The following DLGAP1 variants were observed in gnomAD, a reference collection of about 807,000 sequenced individuals.
DLGAP1 encodes disks large-associated protein 1.
In DLGAP1, 11 loss-of-function variants were observed where a neutral mutation model predicts 90.8. That is an observed-to-expected ratio of 0.12 (90% CI 0.08 to 0.20). DLGAP1 has a LOEUF of 0.20. Ranked by LOEUF, DLGAP1 falls within the 10% of genes least tolerant of loss-of-function variation. The probability of loss-of-function intolerance (pLI) is 1.00; values close to 1 mark genes in which losing one functional copy is unlikely to be tolerated. For missense variants in DLGAP1, 1,050 were observed against 1,333.8 expected (o/e 0.79, Z 3.31); for synonymous variants, 558 against 540.7 (o/e 1.03, Z -0.44).
At chr18:4,402,147 C>T (rs1598360767) in intron 1 of DLGAP1, among the ~76,000 whole-genome samples, 3 of 152,240 alleles carry the variant, frequency 2.0e-5, no homozygotes, top group African/African-American at 2.4e-5. Context: ...TCCCTTTTGG[C>T]GATAACTGAA....
At chr18:3,885,842 A>G (rs1375966005) in intron 3 of DLGAP1, among the ~76,000 whole-genome samples, 2 of 152,186 alleles carry the variant, frequency 1.3e-5, no homozygotes, top group East Asian at 1.9e-4. Flanking sequence ...CAGAGTTCCA[A>G]CACCTGGAGC....
intron 2 of DLGAP1, among the ~76,000 whole-genome samples, chr18:4,019,540 T>C (rs1307808390): frequency 1.3e-5 from 2 of 152,172 alleles, no homozygotes; most frequent in Admixed American, 1.3e-4. Flanking sequence ...CTCTTCAATG[T>C]CTTTGGGGAA....
intron 12 of DLGAP1, chr18:3,502,238 T>G (rs923914827): frequency 7.4e-7 from 1 of 1,351,670 alleles, no homozygotes; most frequent in African/African-American, 1.5e-5. Context: ...TAACTTAAAG[T>G]TTAATTAACA....
chr18:3,543,210 A>G (rs553874006), intron 9 of DLGAP1, among the ~76,000 whole-genome samples: 10 of 133,310 alleles, frequency 7.5e-5, no homozygotes, highest in African/African-American at 3.2e-4. Flanking sequence ...TCGCTTTGTC[A>G]CCCAGGCTGG....
intron 10 of DLGAP1, among the ~76,000 whole-genome samples, chr18:3,520,569 A>G (rs1222074249): frequency 6.6e-6 from 1 of 152,064 alleles, no homozygotes; most frequent in Non-Finnish European, 1.5e-5. Context: ...TCCTTATAAG[A>G]ACTGGAGATG....
chr18:3,952,971 G>A (rs1475941505), intron 3 of DLGAP1, among the ~76,000 whole-genome samples: 1 of 152,108 alleles, frequency 6.6e-6, no homozygotes, highest in Non-Finnish European at 1.5e-5. Context: ...TCCTACCAGG[G>A]CTAGACTCTG....
intron 3 of DLGAP1, among the ~76,000 whole-genome samples, chr18:3,921,551 C>T (rs892311385): frequency 5.3e-5 from 8 of 152,066 alleles, no homozygotes; most frequent in African/African-American, 1.9e-4. Context: ...ATAAAAAATG[C>T]AGGAGGTTAA....
chr18:4,341,576 TAA>T (rs2081188716), intron 1 of DLGAP1, among the ~76,000 whole-genome samples: 1 of 152,166 alleles, frequency 6.6e-6, no homozygotes. Context: ...TGGGGTACAC[TAA>T]GAGTATACTC....
At chr18:3,948,449 C>G (rs1470744587) in intron 3 of DLGAP1, among the ~76,000 whole-genome samples, 1 of 152,160 alleles carries the variant, frequency 6.6e-6, no homozygotes, top group Non-Finnish European at 1.5e-5. Context: ...CTGCATATGC[C>G]TGTGACGATC....
At chr18:3,562,385 C>T (rs529910135) in intron 9 of DLGAP1, among the ~76,000 whole-genome samples, 8 of 152,106 alleles carry the variant, frequency 5.3e-5, no homozygotes, top group Admixed American at 3.9e-4. Flanking sequence ...TTGTAACTCC[C>T]ACAATTCCCA....
intron 2 of DLGAP1, among the ~76,000 whole-genome samples, chr18:4,111,955 T>C (rs2075981176): frequency 6.6e-6 from 1 of 150,898 alleles, no homozygotes; most frequent in Non-Finnish European, 1.5e-5. Flanking sequence ...AATAACATAA[T>C]AATAATAATT....
chr18:3,602,449 G>A (rs1176522396), intron 7 of DLGAP1, among the ~76,000 whole-genome samples: 8 of 151,718 alleles, frequency 5.3e-5, no homozygotes, highest in African/African-American at 1.9e-4. Context: ...CAAAAAATTA[G>A]CCGGGCGTGG....
chr18:3,934,357 T>C (rs1419024281), intron 3 of DLGAP1, among the ~76,000 whole-genome samples: 1 of 152,056 alleles, frequency 6.6e-6, no homozygotes, highest in African/African-American at 2.4e-5. Context: ...CAAAGATGAG[T>C]TAATTCAAAC....
chr18:3,900,254 T>C (rs546797922), intron 3 of DLGAP1, among the ~76,000 whole-genome samples: 1 of 152,158 alleles, frequency 6.6e-6, no homozygotes, highest in Non-Finnish European at 1.5e-5. Flanking sequence ...CTCCTGTGAG[T>C]TACTGGAAGT....
intron 1 of DLGAP1, among the ~76,000 whole-genome samples, chr18:4,270,036 C>G (rs114335454): frequency 6.6e-6 from 1 of 152,172 alleles, no homozygotes; most frequent in Non-Finnish European, 1.5e-5. Flanking sequence ...GTTACAGTAG[C>G]ATAGTTTAAA....
chr18:4,414,723 CAA>C (rs72124732), intron 1 of DLGAP1, among the ~76,000 whole-genome samples: 1 of 142,848 alleles, frequency 7.0e-6, no homozygotes. Flanking sequence ...AAGACTCTGT[CAA>C]AAAAAAAAAA....
intron 1 of DLGAP1, among the ~76,000 whole-genome samples, chr18:4,352,635 T>C (rs959780167): frequency 6.6e-6 from 1 of 152,114 alleles, no homozygotes; most frequent in Non-Finnish European, 1.5e-5. Flanking sequence ...TTACCCACAC[T>C]TGACAACTTG....
Position 3,775,887 on chromosome 18 carries a change from C to A in DLGAP1, c.1173-33375G>T, listed in dbSNP as rs1169299685. ...ACCCTGGCTTCTGATACCATAGATT[C>A]GTTTGGTCTGTTTTTGAACTTGAGA... is the stretch of plus-strand genomic sequence containing the variant. On this transcript the variant is annotated intron_variant, in intron 5 of 12. Transcript: ENST00000315677. The surrounding 1 kb of genome is among the most constrained non-coding windows in gnomAD (Gnocchi z 4.9). Among the ~76,000 whole-genome samples, 1 of 152,116 alleles carries A rather than the reference C, an allele frequency of 6.6e-6. No individual in the cohort carries two copies. The highest frequency in any genetic ancestry group is 1.5e-5 in the Non-Finnish European group (1 of 68,024).
intron 3 of DLGAP1, among the ~76,000 whole-genome samples, chr18:3,935,695 A>G (rs2072620369): frequency 6.6e-6 from 1 of 152,218 alleles, no homozygotes; most frequent in East Asian, 1.9e-4. Flanking sequence ...CTATGTATCA[A>G]CAGTGCAGTG....
Sources: allele counts gnomAD v4.1 joint callset (sites outside exome capture counted in the v4.1 genomes callset), GRCh38; gene constraint gnomAD v4.1.1; non-coding constraint Gnocchi (gnomAD v3.1); transcripts MANE v1.5; gene names NCBI Gene and HGNC (gene_info 2026-07-23, HGNC 2026-07-21).